Variants in LDB3 observed in about 807,000 individuals in gnomAD.
The protein encoded by LDB3 is LIM domain binding 3.
Under a neutral mutation model 69.0 loss-of-function variants are expected in LDB3, and 49 were observed. The observed-to-expected ratio is 0.71, with a 90% CI of 0.56 to 0.90. LDB3 has a LOEUF of 0.90. LDB3 is among the 40% of genes least tolerant of loss of function. The probability of loss-of-function intolerance (pLI) is 0.00; values close to 1 mark genes in which losing one functional copy is unlikely to be tolerated. For synonymous variants in LDB3, 387 were observed against 396.2 expected, an observed-to-expected ratio of 0.98 and a Z score of 0.28; for missense variants, 928 against 974.1, an observed-to-expected ratio of 0.95 and a Z score of 0.63.
intron 8 of LDB3, among the ~76,000 whole-genome samples, chr10:86,707,466 G>A (rs1234214083): frequency 6.6e-6 from 1 of 152,082 alleles, no homozygotes; most frequent in Non-Finnish European, 1.5e-5. Flanking sequence ...CCAGCAAGCA[G>A]AGACCAAAGG....
intron 13 of LDB3, among the ~76,000 whole-genome samples, chr10:86,726,642 C>T (rs1383554947): frequency 6.6e-6 from 1 of 152,062 alleles, no homozygotes; most frequent in Non-Finnish European, 1.5e-5. Context: ...GAAGGTTTTC[C>T]CCTCCAAATT....
At chr10:86,693,939 G>A (rs555561552) in intron 7 of LDB3, among the ~76,000 whole-genome samples, 3 of 152,228 alleles carry the variant, frequency 2.0e-5, no homozygotes, top group East Asian at 1.9e-4. Flanking sequence ...AAATCCCCCC[G>A]GGTTCCTTCC....
At chr10:86,712,355 T>C (rs1846701545) in intron 9 of LDB3, among the ~76,000 whole-genome samples, 1 of 152,052 alleles carries the variant, frequency 6.6e-6, no homozygotes, top group Non-Finnish European at 1.5e-5. Context: ...GCAGGGGGAA[T>C]AGGGTTAGTA....
chr10:86,672,353 C>T (rs984881152), intron 2 of LDB3, among the ~76,000 whole-genome samples: 1 of 152,206 alleles, frequency 6.6e-6, no homozygotes, highest in Non-Finnish European at 1.5e-5. Context: ...GAGGCCTCTT[C>T]TCTGTGGGTT....
Position 86,718,031 on chromosome 10 carries a change from A to G in LDB3, c.1744A>G (p.Thr582Ala). 1.2e-6 allele frequency: 2 copies of G among 1,614,154 alleles called. No individual in the cohort carries two copies. Among genetic ancestry groups the G allele is most frequent in the Non-Finnish European group, 1.7e-6 (2 of 1,180,024 alleles). ...PEEFTCAYCK[T>A]SLADVCFVEE... ...AGAGTTCACCTGTGCCTACTGCAAG[A>G]CTTCCCTGGCAGATGTGTGCTTTGT... is the stretch of plus-strand genomic sequence containing the variant. Residue 582 changes from threonine to alanine, a missense_variant, in exon 11 of 14, where the codon ACT (threonine) becomes GCT (alanine). Coordinates refer to ENST00000361373, the MANE Select transcript of LDB3 (RefSeq NM_007078.3).
rs1844889219 is a variant in LDB3, at chr10:86,677,929, T to C, written c.94-1438T>C. Among the ~76,000 whole-genome samples, 2 of 152,226 alleles carry C rather than the reference T, an allele frequency of 1.3e-5. 1 individual carries two copies. Among genetic ancestry groups the C allele is most frequent in the South Asian group, 4.1e-4 (2 of 4,826 alleles). Reference sequence around the variant, plus strand: ...GTGTCTCTGGGATGCTGCTGTGTCTTAGCTGCTGCATCTCCCTTTTCTCCT... The same window carrying C: ...GTGTCTCTGGGATGCTGCTGTGTCTCAGCTGCTGCATCTCCCTTTTCTCCT... On this transcript the variant is annotated intron_variant, in intron 2 of 13. Transcript: ENST00000361373.
chr10:86,711,475 C>T (rs1846662436), intron 9 of LDB3, among the ~76,000 whole-genome samples: 2 of 151,928 alleles, frequency 1.3e-5, no homozygotes, highest in Non-Finnish European at 2.9e-5. Flanking sequence ...CCACCTCCCT[C>T]TCCGGGAGGC....
chr10:86,706,845 G>A, intron 8 of LDB3, 126 bp downstream of exon 8: 4 of 979,696 alleles, frequency 4.1e-6, no homozygotes, highest in Non-Finnish European at 6.1e-6. Flanking sequence ...GGAAGCCAAG[G>A]CCAGCGCTGC....
At chr10:86,729,210 G>T (rs1431839534) in intron 13 of LDB3, among the ~76,000 whole-genome samples, 1 of 152,178 alleles carries the variant, frequency 6.6e-6, no homozygotes, top group Non-Finnish European at 1.5e-5. Flanking sequence ...CTTGAAAGGT[G>T]AACAAAGCAA....
intron 7 of LDB3, among the ~76,000 whole-genome samples, chr10:86,703,712 G>A (rs1007292367): frequency 1.3e-5 from 2 of 152,230 alleles, no homozygotes; most frequent in African/African-American, 4.8e-5. Flanking sequence ...AAATAGCTGA[G>A]GGCCCGCTTG....
At chr10:86,696,889 C>A (rs190647888) in intron 7 of LDB3, among the ~76,000 whole-genome samples, 1 of 152,350 alleles carries the variant, frequency 6.6e-6, no homozygotes, top group Non-Finnish European at 1.5e-5. Flanking sequence ...TTAGGTCATT[C>A]ATGTGACCTC....
At chr10:86,695,894 A>G (rs1381073926) in intron 7 of LDB3, among the ~76,000 whole-genome samples, 2 of 152,210 alleles carry the variant, frequency 1.3e-5, no homozygotes, top group Admixed American at 6.5e-5. Context: ...TGTAACCCAG[A>G]CATGCCCCTG....
In LDB3 at chr10:86,706,775, CCA is replaced by C; in HGVS notation, c.1085+58_1085+59del. On this transcript the variant is annotated intron_variant, in intron 8 of 13. Transcript: ENST00000361373. ...CTGGGGAAGGGAGGCAGGAAACGCC[CCA>C]CTCTGGGTCTACCTGTGGCCAGCTG... 4 of 1,541,474 alleles carry C rather than the reference CCA, an allele frequency of 2.6e-6. No individual in the cohort carries two copies. In the South Asian group the frequency reaches 3.5e-5, roughly 14 times the overall value.
Position 86,733,184 on chromosome 10 carries a change from C to T in LDB3, c.*208C>T. The T allele has an allele frequency of 1.8e-6, 1 of 546,034 alleles. No homozygotes were observed. Among genetic ancestry groups the T allele is most frequent in the Non-Finnish European group, 3.3e-6 (1 of 302,414 alleles). 33.8% of individuals were successfully genotyped at this position (546,034 alleles called of 1,614,324 possible). A position where few individuals can be genotyped will look rare whatever the true frequency, so the allele number is the denominator to read the frequency against. ...CTAGGAGCCAAATGAAGACTCAAAA[C>T]CAAGCTAGTTATTAATCCAAGACTG... On this transcript the variant is annotated 3_prime_UTR_variant, in exon 14 of 14. Coordinates refer to ENST00000361373, the MANE Select transcript of LDB3 (RefSeq NM_007078.3).
At chr10:86,728,820 G>T (rs1474273601) in intron 13 of LDB3, among the ~76,000 whole-genome samples, 4 of 151,784 alleles carry the variant, frequency 2.6e-5, no homozygotes, top group Admixed American at 2.6e-4. Flanking sequence ...GACCTCATGA[G>T]CCACCCACCT....
At chr10:86,719,768 C>T (rs531349778) in intron 12 of LDB3, among the ~76,000 whole-genome samples, 1 of 152,196 alleles carries the variant, frequency 6.6e-6, no homozygotes, top group Non-Finnish European at 1.5e-5. Context: ...TCTGTACCCC[C>T]AAAATGCTAT....
intron 4 of LDB3, among the ~76,000 whole-genome samples, chr10:86,680,476 C>T (rs1024920355): frequency 2.6e-5 from 4 of 152,204 alleles, no homozygotes; most frequent in Non-Finnish European, 5.9e-5. Flanking sequence ...CCCTCCTGGC[C>T]AGGCAGGGGA....
At chr10:86,687,632 G>C (rs1357982393) in intron 5 of LDB3, among the ~76,000 whole-genome samples, 6 of 152,258 alleles carry the variant, frequency 3.9e-5, no homozygotes, top group Admixed American at 3.3e-4. Context: ...CAGCGAAGCT[G>C]TCCTTTAAGG....
chr10:86,692,982 C>G (rs1288694377), intron 7 of LDB3, among the ~76,000 whole-genome samples: 2 of 152,236 alleles, frequency 1.3e-5, no homozygotes, highest in African/African-American at 4.8e-5. Context: ...AACAGGCACA[C>G]AGGGGGCTGT....
Sources: gnomAD v4.1 joint callset for allele counts (sites outside exome capture counted in the v4.1 genomes callset) on GRCh38, gnomAD v4.1.1 for gene constraint, MANE v1.5 for transcripts, NCBI Gene and HGNC (gene_info 2026-07-23, HGNC 2026-07-21) for gene names.